The following COL22A1 variants were observed in gnomAD, a reference collection of about 807,000 sequenced individuals.
COL22A1 encodes the protein collagen alpha-1(XXII) chain.
COL22A1 carries 221 observed loss-of-function variants against 248.9 expected under a neutral mutation model. That is an observed-to-expected ratio of 0.89 (90% confidence interval 0.80 to 0.99). The LOEUF (loss-of-function observed/expected upper bound fraction) is 0.99. Among genes scored for constraint, COL22A1 ranks in the 50% least tolerant of loss-of-function variants. The pLI is 0.00. For missense variants in COL22A1, 2,240 were observed against 2,179.0 expected (o/e 1.03, Z -0.56); for synonymous variants, 891 against 793.4 (o/e 1.12, Z -2.07).
At chr8:138,610,447 T>A (rs982866959) in intron 56 of COL22A1, among the ~76,000 whole-genome samples, 2 of 152,222 alleles carry the variant, frequency 1.3e-5, no homozygotes, top group African/African-American at 4.8e-5. Flanking sequence ...CTTGCCAGAA[T>A]CCTTCTCCTC....
rs770594856 is a variant in COL22A1 at position 138,615,971 on chromosome 8, C to T, written c.3924+30G>A. On this transcript the variant is annotated intron_variant, in intron 55 of 64. Coordinates refer to ENST00000303045, the MANE Select transcript of COL22A1 (RefSeq NM_152888.3). ...TTGATACACCCACCCCCAGCCCCAG[C>T]CCAGCCAGGTCCCACAGGACCCCAC... is the stretch of plus-strand genomic sequence containing the variant. 6.3e-6 allele frequency: 10 copies of T among 1,591,280 alleles called. No homozygotes were observed. The East Asian group carries it at 2.0e-4, about 32-fold the overall frequency.
intron 16 of COL22A1, among the ~76,000 whole-genome samples, chr8:138,765,195 A>ACCGG (rs1379701447): frequency 6.6e-6 from 1 of 152,106 alleles, no homozygotes; most frequent in African/African-American, 2.4e-5. Context: ...TGGCGCCAGA[A>ACCGG]CCGGCCCTCC....
At chr8:138,859,350 G>A (rs971506306) in intron 3 of COL22A1, among the ~76,000 whole-genome samples, 1 of 152,190 alleles carries the variant, frequency 6.6e-6, no homozygotes, top group African/African-American at 2.4e-5. Flanking sequence ...ACACCATGTC[G>A]GGGCAGATGG....
chr8:138,906,283 T>C (rs1030555829), intron 1 of COL22A1, among the ~76,000 whole-genome samples: 26 of 151,048 alleles, frequency 1.7e-4, no homozygotes, highest in African/African-American at 5.6e-4. Flanking sequence ...GGCAGGAGAA[T>C]GGCGTGAACC....
At chr8:138,644,424 C>G (rs1354200993) in intron 47 of COL22A1, among the ~76,000 whole-genome samples, 2 of 152,122 alleles carry the variant, frequency 1.3e-5, no homozygotes, top group African/African-American at 2.4e-5. Flanking sequence ...AAGCTAATGT[C>G]AAATGAGCAC....
intron 22 of COL22A1, among the ~76,000 whole-genome samples, chr8:138,743,795 C>T (rs1377961483): frequency 2.0e-5 from 3 of 152,106 alleles, no homozygotes; most frequent in Non-Finnish European, 4.4e-5. Flanking sequence ...ATTCTGAATG[C>T]CAAGATGCTG....
At chr8:138,766,864 C>CA (rs1833950016) in intron 16 of COL22A1, among the ~76,000 whole-genome samples, 1 of 152,218 alleles carries the variant, frequency 6.6e-6, no homozygotes, top group African/African-American at 2.4e-5. Context: ...GCAGGCCCTC[C>CA]ACTCAGACTT....
intron 12 of COL22A1, among the ~76,000 whole-genome samples, chr8:138,784,585 A>G (rs1815345277): frequency 6.6e-6 from 1 of 152,206 alleles, no homozygotes; most frequent in African/African-American, 2.4e-5. Context: ...TTAAACACAC[A>G]TGCATGTTTA....
intron 3 of COL22A1, among the ~76,000 whole-genome samples, chr8:138,856,715 G>A (rs992118924): frequency 6.6e-6 from 1 of 152,156 alleles, no homozygotes; most frequent in African/African-American, 2.4e-5. Context: ...GAGAGACAGA[G>A]GCAGTGAGAG....
At chr8:138,640,760 C>T (rs760892612) in intron 47 of COL22A1, among the ~76,000 whole-genome samples, 6 of 152,164 alleles carry the variant, frequency 3.9e-5, no homozygotes, top group Admixed American at 6.6e-5. Context: ...GTTCAGTTCT[C>T]GCATTCTCAT....
Position 138,636,733 on chromosome 8 carries a change from A to G in COL22A1, c.3555+9T>C, listed in dbSNP as rs918273157. 1 of 1,610,192 alleles carries G rather than the reference A, an allele frequency of 6.2e-7. No individual in the cohort carries two copies. The highest frequency in any genetic ancestry group is 1.7e-5 in the Admixed American group (1 of 59,972). The stretch of plus-strand genomic sequence containing the variant: ...AGGGTGAATGGTTCCTTATAAAGTA[A>G]ATTTTTACCTGATCACCTTTCTGCC... On this transcript the variant is annotated intron_variant, in intron 48 of 64. Coordinates refer to ENST00000303045, the MANE Select transcript of COL22A1 (RefSeq NM_152888.3).
chr8:138,724,732 C>T, intron 24 of COL22A1, 64 bp from the exon 25 acceptor site: 2 of 1,520,034 alleles, frequency 1.3e-6, no homozygotes, highest in Non-Finnish European at 1.8e-6. Flanking sequence ...ATTGACTCAA[C>T]CTCTTTCCTG....
intron 55 of COL22A1, 80 bp downstream of exon 55, chr8:138,615,920 TG>T: frequency 1.0e-6 from 1 of 1,000,220 alleles, no homozygotes; most frequent in Non-Finnish European, 1.6e-6. Context: ...CCAGCCATTG[TG>T]GGGCAGTTTC....
chr8:138,902,739 TACACACACACACAC>T (rs35023865), intron 1 of COL22A1, among the ~76,000 whole-genome samples: 2 of 93,872 alleles, frequency 2.1e-5, no homozygotes, highest in Admixed American at 2.7e-4. Context: ...TATATATATA[TACACACACACACAC>T]ACACACACAC....
At chr8:138,645,347 T>C (rs934116365) in intron 47 of COL22A1, among the ~76,000 whole-genome samples, 1 of 152,206 alleles carries the variant, frequency 6.6e-6, no homozygotes, top group Non-Finnish European at 1.5e-5. Context: ...TGCTGGTCTT[T>C]GCTATCTCAT....
intron 23 of COL22A1, among the ~76,000 whole-genome samples, chr8:138,729,016 C>A (rs1377187182): frequency 6.6e-6 from 1 of 152,190 alleles, no homozygotes; most frequent in East Asian, 1.9e-4. Context: ...GAGAAAAAAA[C>A]CAGAAAGGCA....
intron 16 of COL22A1, among the ~76,000 whole-genome samples, chr8:138,771,442 G>A (rs1161820444): frequency 1.3e-5 from 2 of 152,130 alleles, no homozygotes; most frequent in African/African-American, 4.8e-5. Flanking sequence ...AGTTTCCCCC[G>A]CTTCACAATC....
At chr8:138,747,330 A>T (rs900235751) in intron 22 of COL22A1, among the ~76,000 whole-genome samples, 3 of 152,152 alleles carry the variant, frequency 2.0e-5, no homozygotes, top group Admixed American at 2.0e-4. Context: ...ATCATAAAAC[A>T]TTTTTTTCAT....
At chr8:138,751,137 T>A (rs1832565159) in intron 22 of COL22A1, among the ~76,000 whole-genome samples, 1 of 152,190 alleles carries the variant, frequency 6.6e-6, no homozygotes, top group African/African-American at 2.4e-5. Flanking sequence ...TTAGATGCAC[T>A]CAGTTGCCTC....
Sources: allele counts gnomAD v4.1 joint callset (sites outside exome capture counted in the v4.1 genomes callset), GRCh38; gene constraint gnomAD v4.1.1; transcripts MANE v1.5; gene names NCBI Gene and HGNC (gene_info 2026-07-23, HGNC 2026-07-21).